Variants in DIAPH3 observed in about 807,000 individuals in gnomAD.
The protein encoded by DIAPH3 is diaphanous related formin 3.
In DIAPH3, 117 loss-of-function variants were observed where a neutral mutation model predicts 144.3. That is an observed-to-expected ratio of 0.81 (90% CI 0.70 to 0.95). DIAPH3 has a LOEUF of 0.95. DIAPH3 is among the 40% of genes least tolerant of loss of function. The pLI, the probability that DIAPH3 is intolerant of heterozygous loss-of-function variation, is 0.00. For synonymous variants in DIAPH3, 519 were observed against 488.9 expected (o/e 1.06, Z -0.81); for missense variants, 1,421 against 1,412.7 (o/e 1.01, Z -0.09).
chr13:59,908,929 C>T (rs959376960), intron 20 of DIAPH3, among the ~76,000 whole-genome samples: 3 of 152,110 alleles, frequency 2.0e-5, no homozygotes, highest in African/African-American at 7.2e-5. Flanking sequence ...ACCCCAAACT[C>T]TTGACTTTTT....
At chr13:59,974,190 GA>G (rs1449638532) in intron 15 of DIAPH3, among the ~76,000 whole-genome samples, 161 bp downstream of exon 15, 1 of 151,794 alleles carries the variant, frequency 6.6e-6, no homozygotes, top group African/African-American at 2.4e-5. Flanking sequence ...CATACATATA[GA>G]AAAAAATGAC....
chr13:59,850,390 C>G (rs1183426646), intron 22 of DIAPH3, among the ~76,000 whole-genome samples: 11 of 151,518 alleles, frequency 7.3e-5, no homozygotes, highest in Admixed American at 7.2e-4. Context: ...GCATCCCTGT[C>G]TTGTGCCAGT....
At position 59,980,805 on chromosome 13, in the gene DIAPH3, A is replaced by C. The variant is rs1438315078; in HGVS notation, c.1535T>G (p.Leu512Arg). ...GTGAAAACTACTTACTTTCTTGTAAAGTTCTGATGCTTTCTCTTCAAACTC... is the reference window on the plus strand; with the variant it reads ...GTGAAAACTACTTACTTTCTTGTAACGTTCTGATGCTTTCTCTTCAAACTC... The part of the protein sequence containing the change: ...LEEFEEKASE[L>R]YKKFEKEFTD... The change falls in exon 14 of 28, where the codon CTT becomes CGT. Residue 512 changes from leucine to arginine, a missense_variant. Coordinates refer to ENST00000400324, the MANE Select transcript of DIAPH3 (RefSeq NM_001042517.2). 5 of 1,609,280 alleles carry C rather than the reference A, an allele frequency of 3.1e-6. No individual in the cohort carries two copies. Among genetic ancestry groups the C allele is most frequent in the Non-Finnish European group, 4.2e-6 (5 of 1,176,960 alleles).
At chr13:59,735,352 A>C (rs1259920900) in intron 27 of DIAPH3, among the ~76,000 whole-genome samples, 1 of 152,192 alleles carries the variant, frequency 6.6e-6, no homozygotes, top group Non-Finnish European at 1.5e-5. Context: ...CACTGATCTA[A>C]TTTGCAGAAT....
chr13:59,686,313 C>T (rs1048383819), intron 27 of DIAPH3, among the ~76,000 whole-genome samples: 1 of 152,000 alleles, frequency 6.6e-6, no homozygotes, highest in Admixed American at 6.6e-5. Flanking sequence ...TTGCCAGTTA[C>T]TACAGGCCTT....
In DIAPH3 at chr13:60,131,244, C is replaced by T. The variant is rs1029192753; in HGVS notation, c.213+1713G>A. Among the ~76,000 whole-genome samples the T allele has an allele frequency of 3.3e-5, 5 of 151,508 alleles. No individual in the cohort carries two copies. The South Asian group carries it at 6.3e-4, about 19-fold the overall frequency. ...AGGAGTTTAAACCCAGCCTGGGCAACATAGGGAGATCTTGTCTCTCCAAAA... is the reference window on the plus strand; with the variant it reads ...AGGAGTTTAAACCCAGCCTGGGCAATATAGGGAGATCTTGTCTCTCCAAAA... On this transcript the variant is annotated intron_variant, in intron 2 of 27. Transcript: ENST00000400324.
Position 60,011,387 on chromosome 13 carries a change from C to T in DIAPH3, c.772-718G>A, listed in dbSNP as rs190782326. Among the ~76,000 whole-genome samples, 452 of 152,202 alleles carry T rather than the reference C, an allele frequency of 3.0e-3. 2 individuals carry two copies. The highest frequency in any genetic ancestry group is 9.5e-3 in the African/African-American group (396 of 41,546). Reference sequence around the variant, plus strand: ...TTGGTAAGAGATATATTATCATAAGCAAACACACAGATCAACACTGTCCAA... The same window carrying T: ...TTGGTAAGAGATATATTATCATAAGTAAACACACAGATCAACACTGTCCAA... On this transcript the variant is annotated intron_variant, in intron 7 of 27. Transcript: ENST00000400324.
intron 27 of DIAPH3, among the ~76,000 whole-genome samples, chr13:59,755,937 T>C (rs1286877149): frequency 6.6e-6 from 1 of 152,214 alleles, no homozygotes; most frequent in Non-Finnish European, 1.5e-5. Flanking sequence ...GACACTGAAA[T>C]ATATGGCTCA....
At chr13:59,733,578 T>C (rs896604278) in intron 27 of DIAPH3, among the ~76,000 whole-genome samples, 3 of 152,226 alleles carry the variant, frequency 2.0e-5, no homozygotes, top group Non-Finnish European at 4.4e-5. Context: ...ATATCTAAGA[T>C]AGGAAGGTTT....
At chr13:59,729,810 A>ATATTTTTTTTTTTTTTT (rs2035802339) in intron 27 of DIAPH3, among the ~76,000 whole-genome samples, 1 of 134,236 alleles carries the variant, frequency 7.4e-6, no homozygotes. Context: ...ATACATTAAT[A>ATATTTTTTTTTTTTTTT]TTTTTTTTTT....
At chr13:59,980,637 C>T (rs1205845769) in intron 14 of DIAPH3, among the ~76,000 whole-genome samples, 158 bp downstream of exon 14, 1 of 151,470 alleles carries the variant, frequency 6.6e-6, no homozygotes, top group Non-Finnish European at 1.5e-5. Flanking sequence ...GGAGTTAAGA[C>T]TTTTTAGATA....
chr13:59,684,317 TA>T (rs1354027579), intron 27 of DIAPH3, among the ~76,000 whole-genome samples: 3 of 152,226 alleles, frequency 2.0e-5, no homozygotes, highest in Non-Finnish European at 4.4e-5. Context: ...TCTATGGATT[TA>T]CAGAGAACCA....
intron 20 of DIAPH3, 45 bp from the exon 21 acceptor site, chr13:59,879,513 TA>T: frequency 6.2e-7 from 1 of 1,611,402 alleles, no homozygotes; most frequent in Non-Finnish European, 8.5e-7. Flanking sequence ...ATGCATGGTA[TA>T]GTTTAGTACT....
chr13:59,688,691 G>C (rs2033345361), intron 27 of DIAPH3, among the ~76,000 whole-genome samples: 1 of 151,996 alleles, frequency 6.6e-6, no homozygotes, highest in Non-Finnish European at 1.5e-5. Context: ...GATAGTTTAA[G>C]TGAAATCATG....
At chr13:59,678,169 G>A (rs1288125051) in intron 27 of DIAPH3, among the ~76,000 whole-genome samples, 1 of 152,124 alleles carries the variant, frequency 6.6e-6, no homozygotes, top group Non-Finnish European at 1.5e-5. Context: ...TCACAGTGTT[G>A]CCATTATTAG....
At chr13:60,138,834 G>GAGGGA in intron 1 of DIAPH3, among the ~76,000 whole-genome samples, 1 of 85,230 alleles carries the variant, frequency 1.2e-5, no homozygotes, top group South Asian at 3.9e-4. Flanking sequence ...GAGGGGAGGG[G>GAGGGA]AGGATATCTT....
intron 22 of DIAPH3, among the ~76,000 whole-genome samples, chr13:59,842,013 AC>A (rs1187537246): frequency 1.3e-5 from 2 of 152,126 alleles, no homozygotes; most frequent in Non-Finnish European, 2.9e-5. Context: ...TATAGAAATT[AC>A]CATTTTGTTT....
intron 20 of DIAPH3, among the ~76,000 whole-genome samples, chr13:59,897,543 T>C (rs956406210): frequency 1.5e-4 from 22 of 148,904 alleles, no homozygotes; most frequent in African/African-American, 5.5e-4. Flanking sequence ...AGGTCAGGAG[T>C]TCGAGACCAG....
chr13:59,886,050 A>C (rs1217269998), intron 20 of DIAPH3, among the ~76,000 whole-genome samples: 2 of 152,150 alleles, frequency 1.3e-5, no homozygotes, highest in Non-Finnish European at 2.9e-5. Flanking sequence ...ATTAGTAAAA[A>C]ATATAGTACA....
Sources: gnomAD v4.1 joint callset for allele counts (sites outside exome capture counted in the v4.1 genomes callset) on GRCh38, gnomAD v4.1.1 for gene constraint, MANE v1.5 for transcripts, NCBI Gene and HGNC (gene_info 2026-07-23, HGNC 2026-07-21) for gene names.